IQCM: variants seen among roughly 807,000 people sequenced by gnomAD.
IQCM encodes IQ domain-containing protein M.
Under a neutral mutation model 57.6 loss-of-function variants are expected in IQCM, and 45 were observed. The observed-to-expected ratio is 0.78, with a 90% CI of 0.62 to 1.00. The LOEUF (loss-of-function observed/expected upper bound fraction) is 1.00. Ranked by LOEUF, IQCM falls within the 50% of genes least tolerant of loss-of-function variation. IQCM has a pLI of 0.00. For synonymous variants in IQCM, 148 were observed against 158.9 expected (o/e 0.93, Z 0.51); for missense variants, 468 against 511.6 (o/e 0.91, Z 0.82).
chr4:149,574,020 G>T (rs1263518591), intron 9 of IQCM, among the ~76,000 whole-genome samples: 1 of 151,764 alleles, frequency 6.6e-6, no homozygotes, highest in African/African-American at 2.4e-5. Context: ...TTTGTTTCAG[G>T]AGTATTGAAA....
intron 13 of IQCM, among the ~76,000 whole-genome samples, chr4:149,413,348 C>G (rs113562499): frequency 5.3e-5 from 8 of 152,204 alleles, no homozygotes; most frequent in African/African-American, 1.9e-4. Context: ...GGAAAGAAAT[C>G]GGGTGGAGCC....
chr4:149,693,149 T>C (rs1469416102), intron 5 of IQCM, among the ~76,000 whole-genome samples: 1 of 152,176 alleles, frequency 6.6e-6, no homozygotes, highest in African/African-American at 2.4e-5. Context: ...AATCATCCAT[T>C]CAATTTCATT....
intron 5 of IQCM, chr4:149,690,863 A>G (rs192655062): frequency 6.6e-6 from 1 of 152,212 alleles, no homozygotes; most frequent in Non-Finnish European, 1.5e-5. Flanking sequence ...CAACTTTCCC[A>G]AGATCCTTTA....
chr4:149,383,950 T>A (rs747505301), intron 13 of IQCM, among the ~76,000 whole-genome samples: 80 of 151,970 alleles, frequency 5.3e-4, no homozygotes, highest in Non-Finnish European at 9.7e-4. Context: ...CGAAACTCCA[T>A]CTCAAAAAAA....
intron 5 of IQCM, among the ~76,000 whole-genome samples, chr4:149,708,394 C>T (rs956999064): frequency 1.3e-5 from 2 of 151,666 alleles, no homozygotes; most frequent in Admixed American, 1.3e-4. Context: ...GATTTAAGTG[C>T]CACCTCTACT....
At chr4:149,797,013 C>A (rs1048344194) in intron 2 of IQCM, among the ~76,000 whole-genome samples, 12 of 152,060 alleles carry the variant, frequency 7.9e-5, no homozygotes, top group African/African-American at 2.9e-4. Flanking sequence ...CACAAAATAA[C>A]ACCTACGAAG....
rs1360728033 is a variant in IQCM, at chr4:149,374,278, TTATC to T, written c.1391-22216_1391-22213del. Among the ~76,000 whole-genome samples, 4 of 152,170 alleles carry T rather than the reference TTATC, an allele frequency of 2.6e-5. 1 individual carries two copies. Among genetic ancestry groups the T allele is most frequent in the African/African-American group, 7.2e-5 (3 of 41,452 alleles). On this transcript the variant is annotated intron_variant, in intron 13 of 13. Transcript: ENST00000636793. ...TTAATTATTGTATCCATCTATTTAT[TTATC>T]TATCTATCACATTTCTAGTGTCTAT...
chr4:149,603,775 T>G (rs1222957080), intron 8 of IQCM, among the ~76,000 whole-genome samples: 1 of 152,108 alleles, frequency 6.6e-6, no homozygotes, highest in Non-Finnish European at 1.5e-5. Flanking sequence ...TGAGTCTTTG[T>G]TGTCAATATA....
intron 9 of IQCM, among the ~76,000 whole-genome samples, chr4:149,587,621 T>C (rs534156445): frequency 1.6e-3 from 246 of 151,914 alleles, no homozygotes; most frequent in Non-Finnish European, 2.5e-3. Context: ...TTTACGGCAT[T>C]GTCATTTACT....
At chr4:149,619,120 A>ATGG (rs1756078629) in intron 8 of IQCM, among the ~76,000 whole-genome samples, 2 of 148,554 alleles carry the variant, frequency 1.3e-5, no homozygotes, top group African/African-American at 5.0e-5. Context: ...ATATATATAT[A>ATGG]TATATATATA....
intron 7 of IQCM, among the ~76,000 whole-genome samples, chr4:149,664,764 G>A (rs1289145798): frequency 6.6e-6 from 1 of 152,102 alleles, no homozygotes; most frequent in Non-Finnish European, 1.5e-5. Context: ...GGCAACAGGT[G>A]GGGTTACAAG....
chr4:149,450,195 T>C (rs767333053), intron 12 of IQCM, among the ~76,000 whole-genome samples: 2 of 151,858 alleles, frequency 1.3e-5, no homozygotes, highest in South Asian at 2.1e-4. Flanking sequence ...TCTTGCTCTA[T>C]ACAAAAATCA....
chr4:149,644,031 T>C lies in IQCM; in HGVS notation c.566-22787A>G, dbSNP rs186278050. On this transcript the variant is annotated intron_variant, in intron 7 of 13. Transcript: ENST00000636793. The stretch of plus-strand genomic sequence containing the variant: ...TCCAGTTTGCCCAAGACTGCCTTGG[T>C]ATTAGCATTGAAAATCATGCTCCAA... Among the ~76,000 whole-genome samples, 24 of 152,306 alleles carry C rather than the reference T, an allele frequency of 1.6e-4. No homozygotes were observed. The East Asian group carries it at 4.4e-3, about 28-fold the overall frequency.
At chr4:149,629,869 T>C (rs1757109342) in intron 7 of IQCM, among the ~76,000 whole-genome samples, 1 of 151,750 alleles carries the variant, frequency 6.6e-6, no homozygotes, top group East Asian at 1.9e-4. Context: ...CATTTTGTAT[T>C]TGCAAACGAG....
chr4:149,808,718 T>C (rs1270370331), intron 2 of IQCM, among the ~76,000 whole-genome samples: 2 of 152,166 alleles, frequency 1.3e-5, no homozygotes, highest in Admixed American at 6.6e-5. Context: ...TATTTGTGCT[T>C]CAAGTTTCTC....
intron 13 of IQCM, among the ~76,000 whole-genome samples, chr4:149,401,553 GTTGA>G (rs1388803345): frequency 1.3e-5 from 2 of 151,858 alleles, no homozygotes; most frequent in East Asian, 3.9e-4. Context: ...TGATAAATAA[GTTGA>G]TTGTGTCACT....
At chr4:149,363,463 T>A (rs1233789993) in intron 13 of IQCM, among the ~76,000 whole-genome samples, 1 of 152,194 alleles carries the variant, frequency 6.6e-6, no homozygotes, top group South Asian at 2.1e-4. Context: ...ATTGTCTTCA[T>A]AGACAGCAGA....
intron 12 of IQCM, among the ~76,000 whole-genome samples, chr4:149,498,992 C>A (rs1025671538): frequency 1.3e-5 from 2 of 152,076 alleles, no homozygotes; most frequent in Non-Finnish European, 2.9e-5. Flanking sequence ...AAAAAATAAA[C>A]AAAAATAGAG....
intron 13 of IQCM, among the ~76,000 whole-genome samples, chr4:149,391,214 G>A (rs1731831868): frequency 6.6e-6 from 1 of 151,808 alleles, no homozygotes; most frequent in African/African-American, 2.4e-5. Context: ...TTGTTGGGGG[G>A]TCAGTTTCAA....
Sources: allele counts gnomAD v4.1 joint callset (sites outside exome capture counted in the v4.1 genomes callset), GRCh38; gene constraint gnomAD v4.1.1; transcripts MANE v1.5; gene names NCBI Gene and HGNC (gene_info 2026-07-23, HGNC 2026-07-21).